The following HS3ST4 variants were observed in gnomAD, a reference collection of about 807,000 sequenced individuals.
The protein encoded by HS3ST4 is heparan sulfate-glucosamine 3-sulfotransferase 4, also known as heparan sulfate glucosamine 3-O-sulfotransferase 4.
In HS3ST4, 17 loss-of-function variants were observed where a neutral mutation model predicts 29.2. The ratio of observed to expected loss-of-function variants is 0.58; its 90% CI spans 0.40 to 0.87. The LOEUF is 0.87. Ranked by LOEUF, HS3ST4 falls within the 40% of genes least tolerant of loss-of-function variation. The probability of loss-of-function intolerance (pLI) is 0.00; values close to 1 mark genes in which losing one functional copy is unlikely to be tolerated. For synonymous variants in HS3ST4, 314 were observed against 285.7 expected, an observed-to-expected ratio of 1.10 and a Z score of -1.00; for missense variants, 627 against 634.5, an observed-to-expected ratio of 0.99 and a Z score of 0.13.
chr16:25,981,695 C>A (rs115069054), intron 1 of HS3ST4, among the ~76,000 whole-genome samples: 82 of 149,442 alleles, frequency 5.5e-4, no homozygotes, highest in African/African-American at 2.0e-3. Context: ...TCCCACAAAC[C>A]TTTGGACTAT....
Position 25,880,414 on chromosome 16 carries a change from A to G in HS3ST4, c.734+187263A>G, listed in dbSNP as rs551583796. On this transcript the variant is annotated intron_variant, in intron 1 of 1. Transcript: ENST00000331351. ...AATGTGCTTTCAACCACTTCTATGA[A>G]GTGTAAGGTGAACTTGATTTAGGGT... is the stretch of plus-strand genomic sequence containing the variant. 5.3e-5 allele frequency among the ~76,000 whole-genome samples: 8 copies of G among 152,300 alleles called. No individual in the cohort carries two copies. The East Asian group carries it at 1.5e-3, about 29-fold the overall frequency.
intron 1 of HS3ST4, among the ~76,000 whole-genome samples, chr16:26,010,696 C>T (rs1165075878): frequency 2.0e-5 from 3 of 152,066 alleles, no homozygotes; most frequent in Non-Finnish European, 4.4e-5. Context: ...CTGCGTAGCA[C>T]TTAGAGAATC....
At chr16:26,119,803 T>C (rs1384930767) in intron 1 of HS3ST4, among the ~76,000 whole-genome samples, 1 of 152,140 alleles carries the variant, frequency 6.6e-6, no homozygotes, top group Non-Finnish European at 1.5e-5. Flanking sequence ...TATAGAAAAG[T>C]GCAAAATCAT....
intron 1 of HS3ST4, among the ~76,000 whole-genome samples, chr16:26,074,128 G>A (rs866963400): frequency 4.6e-5 from 7 of 152,026 alleles, no homozygotes; most frequent in African/African-American, 9.7e-5. Flanking sequence ...ATTTCCAAGC[G>A]GCTCCCTCCG....
intron 1 of HS3ST4, among the ~76,000 whole-genome samples, chr16:25,795,195 A>G (rs1966880466): frequency 6.6e-6 from 1 of 151,906 alleles, no homozygotes; most frequent in Admixed American, 6.6e-5. Context: ...TTGGTCTTGA[A>G]TTCCTGACCT....
At chr16:26,036,556 T>C (rs141611805) in intron 1 of HS3ST4, among the ~76,000 whole-genome samples, 151 of 152,338 alleles carry the variant, frequency 9.9e-4, no homozygotes, top group Admixed American at 1.6e-3. Flanking sequence ...CTTTACCTTA[T>C]AATGGATGCC....
chr16:25,878,621 C>T (rs778019112), intron 1 of HS3ST4, among the ~76,000 whole-genome samples: 1 of 152,152 alleles, frequency 6.6e-6, no homozygotes, highest in Non-Finnish European at 1.5e-5. Context: ...CCTGCTTCCC[C>T]ATTAAGGACT....
At chr16:25,731,905 C>A (rs1966572034) in intron 1 of HS3ST4, among the ~76,000 whole-genome samples, 1 of 152,222 alleles carries the variant, frequency 6.6e-6, no homozygotes. Context: ...GCTTTTCTCT[C>A]TTTGCTACCC....
intron 1 of HS3ST4, among the ~76,000 whole-genome samples, chr16:26,112,990 C>T (rs764716913): frequency 1.3e-5 from 2 of 152,056 alleles, no homozygotes; most frequent in African/African-American, 2.4e-5. Flanking sequence ...GAAGCATATA[C>T]AAAAATATAC....
intron 1 of HS3ST4, among the ~76,000 whole-genome samples, chr16:25,971,935 A>G (rs1483391401): frequency 6.6e-6 from 1 of 152,128 alleles, no homozygotes; most frequent in East Asian, 1.9e-4. Flanking sequence ...CATCTCAAAA[A>G]AGAAAGAAAG....
rs1306016296 is a variant in HS3ST4, at chr16:26,092,504, T to C, written c.735-43108T>C. 2.0e-5 allele frequency among the ~76,000 whole-genome samples: 3 copies of C among 152,320 alleles called. No homozygotes were observed. The South Asian group carries it at 6.2e-4, about 32-fold the overall frequency. On this transcript the variant is annotated intron_variant, in intron 1 of 1. Transcript: ENST00000331351. ...CCTACAAGGTGGGAACATTGTCTTA[T>C]GTACCTCTGGATCTTTAAGATATGA...
At chr16:25,775,689 T>C (rs1360721703) in intron 1 of HS3ST4, among the ~76,000 whole-genome samples, 7 of 152,236 alleles carry the variant, frequency 4.6e-5, no homozygotes, top group African/African-American at 1.7e-4. Context: ...CTCTTCCTCC[T>C]CTTTGCCAAT....
chr16:25,738,045 C>T (rs1966622698), intron 1 of HS3ST4, among the ~76,000 whole-genome samples: 1 of 152,022 alleles, frequency 6.6e-6, no homozygotes, highest in African/African-American at 2.4e-5. Context: ...CCTGGGATTA[C>T]AGGCACGTGC....
intron 1 of HS3ST4, among the ~76,000 whole-genome samples, chr16:25,955,703 G>A (rs922709420): frequency 6.6e-6 from 1 of 152,018 alleles, no homozygotes; most frequent in Non-Finnish European, 1.5e-5. Flanking sequence ...GGAGTGGTTG[G>A]TGTGTTTTAG....
intron 1 of HS3ST4, among the ~76,000 whole-genome samples, chr16:25,744,487 T>C (rs1966673544): frequency 6.6e-6 from 1 of 152,108 alleles, no homozygotes; most frequent in Non-Finnish European, 1.5e-5. Flanking sequence ...CTGAAGTTTG[T>C]TTTTCTCTTA....
intron 1 of HS3ST4, among the ~76,000 whole-genome samples, chr16:25,789,146 C>T (rs1251584458): frequency 6.6e-6 from 1 of 152,036 alleles, no homozygotes; most frequent in South Asian, 2.1e-4. Context: ...TGTTTGCCCC[C>T]AGAAGAAGAT....
At chr16:25,809,993 T>A (rs1281242499) in intron 1 of HS3ST4, among the ~76,000 whole-genome samples, 3 of 152,060 alleles carry the variant, frequency 2.0e-5, no homozygotes, top group African/African-American at 2.4e-5. Context: ...TACTCATTAG[T>A]GTTTCTTCTG....
intron 1 of HS3ST4, among the ~76,000 whole-genome samples, chr16:26,049,754 G>A (rs1240503443): frequency 1.3e-5 from 2 of 152,120 alleles, no homozygotes; most frequent in Admixed American, 1.3e-4. Flanking sequence ...GCCTCTAACC[G>A]GTTGGCTACA....
In HS3ST4 at chr16:25,874,080, C is replaced by T. The variant is rs531890108; in HGVS notation, c.734+180929C>T. 1.8e-4 allele frequency among the ~76,000 whole-genome samples: 27 copies of T among 152,226 alleles called. No individual in the cohort carries two copies. In the East Asian group the frequency reaches 5.0e-3, roughly 28 times the overall value. On this transcript the variant is annotated intron_variant, in intron 1 of 1. Coordinates refer to ENST00000331351, the MANE Select transcript of HS3ST4 (RefSeq NM_006040.3). Reference sequence around the variant, plus strand: ...CTCATCTATCCATATGTTTTAATTCCCCTGTCCTCTCTGCTTTACCAGTAT... The same window carrying T: ...CTCATCTATCCATATGTTTTAATTCTCCTGTCCTCTCTGCTTTACCAGTAT...
Sources: gnomAD v4.1 joint callset for allele counts (sites outside exome capture counted in the v4.1 genomes callset) on GRCh38, gnomAD v4.1.1 for gene constraint, MANE v1.5 for transcripts, NCBI Gene and HGNC (gene_info 2026-07-23, HGNC 2026-07-21) for gene names.